CLCN5: variants seen among roughly 807,000 people sequenced by gnomAD.
CLCN5 encodes the protein Cl-/H+ antiporter 5, also known as H(+)/Cl(-) exchange transporter 5.
Under a neutral mutation model 54.0 loss-of-function variants are expected in CLCN5, and 17 were observed. That is an observed-to-expected ratio of 0.31 (90% CI 0.22 to 0.47). The LOEUF is 0.47. Ranked by LOEUF, CLCN5 falls within the 20% of genes least tolerant of loss-of-function variation. The pLI, the probability that CLCN5 is intolerant of heterozygous loss-of-function variation, is 1.00. For missense variants in CLCN5, 448 were observed against 646.7 expected, an observed-to-expected ratio of 0.69 and a Z score of 3.33; for synonymous variants, 222 against 233.0, an observed-to-expected ratio of 0.95 and a Z score of 0.43.
chrX:50,002,352 C>A (rs944373553), intron 3 of CLCN5, among the ~76,000 whole-genome samples: 1 of 111,437 alleles, frequency 9.0e-6, no homozygotes, highest in Non-Finnish European at 1.9e-5. Context: ...CTACTCCTCC[C>A]TCTGTGTTCT....
intron 4 of CLCN5, among the ~76,000 whole-genome samples, chrX:50,063,798 A>G (rs1209320631): frequency 9.0e-6 from 1 of 110,983 alleles, no homozygotes; most frequent in Admixed American, 9.5e-5. Context: ...GCACATCAAA[A>G]AGCTTATCCA....
rs981029691 is a variant in CLCN5, at chrX:50,088,741, T to C, written c.1601T>C (p.Ile534Thr). 8.3e-7 allele frequency: 1 copy of C among 1,211,763 alleles called. No individual in the cohort carries two copies. Among genetic ancestry groups the C allele is most frequent in the Non-Finnish European group, 1.1e-6 (1 of 895,360 alleles). ...LFIPSMAVGA[I>T]AGRLLGVGME... ...ATCCCTAGCATGGCTGTTGGTGCTA[T>C]AGCAGGTCGACTTCTAGGAGTAGGA... is the stretch of plus-strand genomic sequence containing the variant. The change falls in exon 12 of 15, where the codon ATA becomes ACA. Residue 534 changes from isoleucine (I) to threonine (T), a missense_variant. Around this residue, in one of 5 missense-constraint regions of CLCN5, gnomAD observed 297 missense variants for 470.4 expected, o/e 0.63. Transcript: ENST00000376091.
At chrX:50,003,530 G>T (rs1557180919) in intron 3 of CLCN5, 8 of 380,609 alleles carry the variant, frequency 2.1e-5, no homozygotes, top group South Asian at 1.9e-4. Context: ...CCCTTGCATG[G>T]TGGAGGGTGA....
At chrX:50,082,929 G>T (rs1052676151) in intron 9 of CLCN5, among the ~76,000 whole-genome samples, 1 of 110,702 alleles carries the variant, frequency 9.0e-6, no homozygotes, top group African/African-American at 3.3e-5. Context: ...AATTAGTCCC[G>T]CCATGGCACC....
chrX:50,004,246 A>G (rs782073317), intron 3 of CLCN5, among the ~76,000 whole-genome samples: 14 of 112,191 alleles, frequency 1.2e-4, no homozygotes, highest in Non-Finnish European at 2.6e-4. Flanking sequence ...TGCACCAGGG[A>G]TACACCAGTG....
intron 3 of CLCN5, among the ~76,000 whole-genome samples, chrX:49,958,343 C>T (rs367578088): frequency 1.1e-4 from 12 of 110,764 alleles, no homozygotes; most frequent in African/African-American, 3.6e-4. Flanking sequence ...GTTATTTGAT[C>T]AATCATAAAT....
Position 50,098,179 on chromosome X carries a change from G to C in CLCN5, c.*5960G>C, listed in dbSNP as rs1557195980. 1 of 112,180 alleles carries C rather than the reference G, an allele frequency of 8.9e-6. No individual in the cohort carries two copies. The highest frequency in any genetic ancestry group is 2.8e-4 in the East Asian group (1 of 3,573). The allele number at this position is 112,180 out of a possible 1,213,427, so 9.2% of individuals were successfully genotyped here. On this transcript the variant is annotated 3_prime_UTR_variant, in exon 15 of 15. Transcript: ENST00000376091. ...TCCTTTGGGACTTTGTGATGATTAA[G>C]AATTTATTCCATTCAGGATTTTAAA...
At chrX:49,942,258 T>C (rs781906278) in intron 3 of CLCN5, among the ~76,000 whole-genome samples, 57 of 100,354 alleles carry the variant, frequency 5.7e-4, no homozygotes, top group Non-Finnish European at 1.0e-3. Flanking sequence ...AGCAAAGAAA[T>C]TTTGATGGAT....
intron 4 of CLCN5, among the ~76,000 whole-genome samples, chrX:50,055,042 G>A (rs1932702761): frequency 9.0e-6 from 1 of 111,323 alleles, no homozygotes; most frequent in Admixed American, 9.6e-5. Context: ...TTAACCACAT[G>A]CCAGAAATGT....
chrX:50,023,206 T>A (rs1368671216), intron 3 of CLCN5, among the ~76,000 whole-genome samples: 44 of 70,241 alleles, frequency 6.3e-4, no homozygotes, highest in Non-Finnish European at 3.8e-4. Context: ...CTCCTCTTGT[T>A]GAATTGATCC....
rs1276160889 is a variant in CLCN5 at position 50,001,399 on chromosome X, G to GA, written c.17-40905dup. Among the ~76,000 whole-genome samples, 295 of 104,939 alleles carry GA rather than the reference G, an allele frequency of 2.8e-3. 1 individual carries two copies. Among genetic ancestry groups the GA allele is most frequent in the African/African-American group, 5.2e-3 (151 of 29,210 alleles). The allele number at this position is 104,939 out of a possible 115,157, so 91.1% of individuals were successfully genotyped here. Reference sequence around the variant, plus strand: ...ACTCATTTCTCTGTTCCTCTTTACAGAAAAAAAAAAAATTTTTTTGAAGGA... The same window carrying GA: ...ACTCATTTCTCTGTTCCTCTTTACAGAAAAAAAAAAAAATTTTTTTGAAGGA... On this transcript the variant is annotated intron_variant, in intron 3 of 14. Coordinates refer to ENST00000376091, the MANE Select transcript of CLCN5 (RefSeq NM_001127898.4).
At chrX:49,994,718 C>T (rs1929426810) in intron 3 of CLCN5, among the ~76,000 whole-genome samples, 1 of 111,782 alleles carries the variant, frequency 8.9e-6, no homozygotes. Flanking sequence ...ATCCATGACT[C>T]TTCTGCTGCA....
At chrX:50,078,556 GTA>G (rs1933537463) in intron 7 of CLCN5, among the ~76,000 whole-genome samples, 1 of 112,383 alleles carries the variant, frequency 8.9e-6, no homozygotes, top group Non-Finnish European at 1.9e-5. Flanking sequence ...TTGTGTGTGT[GTA>G]TGTGCGCGCA....
chrX:49,991,162 A>G (rs1557178906), intron 3 of CLCN5, among the ~76,000 whole-genome samples: 1 of 112,435 alleles, frequency 8.9e-6, no homozygotes, highest in Non-Finnish European at 1.9e-5. Context: ...GTACTAGTCT[A>G]CATTCCCACC....
intron 3 of CLCN5, among the ~76,000 whole-genome samples, chrX:49,966,612 A>ATTTTT (rs1183495910): frequency 1.0e-4 from 2 of 19,090 alleles, no homozygotes; most frequent in Non-Finnish European, 1.4e-4. Flanking sequence ...TTTTTTTTTT[A>ATTTTT]TTTTTTTATT....
intron 3 of CLCN5, among the ~76,000 whole-genome samples, chrX:49,939,353 G>T (rs781903421): frequency 1.6e-3 from 178 of 110,332 alleles, no homozygotes; most frequent in African/African-American, 5.7e-3. Flanking sequence ...GTTTATTGCG[G>T]CACTATTCAC....
At chrX:49,944,195 G>T (rs1201322665) in intron 3 of CLCN5, among the ~76,000 whole-genome samples, 1 of 111,192 alleles carries the variant, frequency 9.0e-6, no homozygotes, top group Admixed American at 9.6e-5. Flanking sequence ...TCATGATTTG[G>T]CTCTCTGTTG....
chrX:50,080,484 GT>G (rs376669143), intron 7 of CLCN5, 109 bp from the exon 8 acceptor site: 26,077 of 470,516 alleles, frequency 0.055, 1 homozygote, highest in East Asian at 0.07. Flanking sequence ...AATCTCGGTG[GT>G]TTTTTTTTTT....
chrX:49,965,501 A>G (rs1409201280), intron 3 of CLCN5, among the ~76,000 whole-genome samples: 1 of 112,065 alleles, frequency 8.9e-6, no homozygotes, highest in African/African-American at 3.2e-5. Context: ...TGCTAAACTC[A>G]CTTATCAATT....
Sources: gnomAD v4.1 joint callset for allele counts (sites outside exome capture counted in the v4.1 genomes callset) on GRCh38, gnomAD v4.1.1 for gene constraint, gnomAD v4.1.1 regional missense constraint, MANE v1.5 for transcripts, NCBI Gene and HGNC (gene_info 2026-07-23, HGNC 2026-07-21) for gene names.